Variants in EAF1 observed in about 807,000 individuals in gnomAD.
EAF1 encodes the protein ELL associated factor 1, also known as ELL-associated factor 1.
EAF1 carries 19 observed loss-of-function variants against 26.6 expected under a neutral mutation model. The ratio of observed to expected loss-of-function variants is 0.71; its 90% CI spans 0.50 to 1.05. The LOEUF is 1.05. Ranked by LOEUF, EAF1 falls within the 50% of genes least tolerant of loss-of-function variation. The pLI, the probability that EAF1 is intolerant of heterozygous loss-of-function variation, is 0.00. For synonymous variants in EAF1, 102 were observed against 120.6 expected (o/e 0.85, Z 1.01); for missense variants, 260 against 335.5 (o/e 0.78, Z 1.76).
intron 1 of EAF1, among the ~76,000 whole-genome samples, chr3:15,428,383 C>T (rs1381672527): frequency 6.6e-6 from 1 of 152,158 alleles, no homozygotes; most frequent in African/African-American, 2.4e-5. Flanking sequence ...TCCTGGACTC[C>T]CAAATACTGT....
intron 2 of EAF1, among the ~76,000 whole-genome samples, 200 bp downstream of exon 2, chr3:15,430,207 C>G (rs995988617): frequency 7.2e-5 from 11 of 152,028 alleles, no homozygotes; most frequent in Middle Eastern, 3.4e-3. Flanking sequence ...TCTTGTAATC[C>G]TAGCATTTTG....
intron 4 of EAF1, among the ~76,000 whole-genome samples, chr3:15,434,988 G>C (rs894168137): frequency 5.3e-5 from 8 of 152,186 alleles, no homozygotes; most frequent in African/African-American, 1.9e-4. Flanking sequence ...TGAGGCAGGA[G>C]GATCGCTTGA....
In EAF1 at chr3:15,428,153, A is replaced by G. The variant is rs527871897; in HGVS notation, c.103+271A>G. On this transcript the variant is annotated intron_variant, in intron 1 of 5. Coordinates refer to ENST00000396842, the MANE Select transcript of EAF1 (RefSeq NM_033083.7). Reference sequence around the variant, plus strand: ...AGGTCTTTGGCCTCTTTCCATTTCCATCCCTCCCCGCCCCCAACCTCGCCC... The same window carrying G: ...AGGTCTTTGGCCTCTTTCCATTTCCGTCCCTCCCCGCCCCCAACCTCGCCC... Among the ~76,000 whole-genome samples the G allele has an allele frequency of 2.5e-4, 37 of 149,584 alleles. 1 individual carries two copies. The highest frequency in any genetic ancestry group is 8.9e-4 in the African/African-American group (36 of 40,444).
intron 1 of EAF1, among the ~76,000 whole-genome samples, chr3:15,428,221 T>G: frequency 7.2e-6 from 1 of 138,164 alleles, no homozygotes; most frequent in Admixed American, 7.3e-5. Context: ...TCCCCCCTCT[T>G]ATCCGGGTCC....
intron 1 of EAF1, among the ~76,000 whole-genome samples, chr3:15,429,690 G>T (rs919343539): frequency 3.3e-5 from 5 of 152,084 alleles, no homozygotes; most frequent in Non-Finnish European, 7.4e-5. Context: ...CCCTGAGTTG[G>T]TAATAATTGA....
chr3:15,427,938 C>T (rs2061765024), intron 1 of EAF1, 56 bp downstream of exon 1: 2 of 1,350,938 alleles, frequency 1.5e-6, no homozygotes, highest in South Asian at 1.4e-5. Context: ...ACATATCAAC[C>T]TTGACTCCTT....
At chr3:15,436,827 A>G (rs1169892583) in intron 5 of EAF1, among the ~76,000 whole-genome samples, 1 of 152,202 alleles carries the variant, frequency 6.6e-6, no homozygotes, top group African/African-American at 2.4e-5. Flanking sequence ...CTAAAACATG[A>G]ACAGATAGGC....
rs148234148 is a variant in EAF1, at chr3:15,431,543, G to A, written c.199-544G>A. On this transcript the variant is annotated intron_variant, in intron 2 of 5. Coordinates refer to ENST00000396842, the MANE Select transcript of EAF1 (RefSeq NM_033083.7). Reference sequence around the variant, plus strand: ...GAGGTGGAGAGCCAGGGAAGGGCCCGGTAGTGCAAGGCCAAGTGGCTAGTT... The same window carrying A: ...GAGGTGGAGAGCCAGGGAAGGGCCCAGTAGTGCAAGGCCAAGTGGCTAGTT... Among the ~76,000 whole-genome samples, 7 of 152,318 alleles carry A rather than the reference G, an allele frequency of 4.6e-5. No homozygotes were observed. In the East Asian group the frequency reaches 7.7e-4, roughly 17 times the overall value.
chr3:15,435,332 T>C (rs1575452371), intron 4 of EAF1, among the ~76,000 whole-genome samples: 2 of 152,224 alleles, frequency 1.3e-5, no homozygotes, highest in East Asian at 1.9e-4. Flanking sequence ...TGAGGTCATA[T>C]TTCATATTTA....
chr3:15,427,704 A>G lies in EAF1; in HGVS notation c.-76A>G. ...GGTGGCCCGGAAGCACAGTCCTCCC[A>G]GACGCCAGCGCCAGAAGCTCGGATC... On this transcript the variant is annotated 5_prime_UTR_variant, in exon 1 of 6. Coordinates refer to ENST00000396842, the MANE Select transcript of EAF1 (RefSeq NM_033083.7). The G allele has an allele frequency of 2.7e-6, 4 of 1,459,754 alleles. No individual in the cohort carries two copies. The highest frequency in any genetic ancestry group is 3.7e-6 in the Non-Finnish European group (4 of 1,066,994). The allele number at this position is 1,459,754 out of a possible 1,614,324, so 90.4% of individuals were successfully genotyped here.
chr3:15,428,522 C>T (rs1216002733), intron 1 of EAF1, among the ~76,000 whole-genome samples: 1 of 152,202 alleles, frequency 6.6e-6, no homozygotes, highest in Admixed American at 6.5e-5. Flanking sequence ...CCGGGCTTTT[C>T]CTCCAGACCA....
At chr3:15,432,756 A>G (rs2061809842) in intron 3 of EAF1, among the ~76,000 whole-genome samples, 1 of 152,082 alleles carries the variant, frequency 6.6e-6, no homozygotes, top group Non-Finnish European at 1.5e-5. Flanking sequence ...AATAGAAATA[A>G]CCTAGTGGTT....
intron 2 of EAF1, 142 bp downstream of exon 2, chr3:15,430,149 T>G: frequency 6.5e-6 from 4 of 612,430 alleles, no homozygotes; most frequent in Non-Finnish European, 8.3e-6. Flanking sequence ...TTTTGGGGAG[T>G]GGGGTGGGGT....
rs2061865340 is a variant in EAF1, at chr3:15,440,918, C to G, written c.*1763C>G. The G allele has an allele frequency of 6.6e-6, 1 of 152,616 alleles. No homozygotes were observed. The highest frequency in any genetic ancestry group is 1.5e-5 in the Non-Finnish European group (1 of 68,036). The allele number at this position is 152,616 out of a possible 1,614,324, so 9.5% of individuals were successfully genotyped here. A position where few individuals can be genotyped will look rare whatever the true frequency, so the allele number is the denominator to read the frequency against. ...TTGTTACTGGATGTAGGAATTGTTT[C>G]ACTGCTCTTAACTTGCTCAAACTGG... is the stretch of plus-strand genomic sequence containing the variant. On this transcript the variant is annotated 3_prime_UTR_variant, in exon 6 of 6. Coordinates refer to ENST00000396842, the MANE Select transcript of EAF1 (RefSeq NM_033083.7).
At chr3:15,435,705 TGTCA>T (rs2061830512) in intron 4 of EAF1, among the ~76,000 whole-genome samples, 1 of 152,244 alleles carries the variant, frequency 6.6e-6, no homozygotes, top group African/African-American at 2.4e-5. Context: ...CAGGCATGGC[TGTCA>T]GTCAAATATG....
At chr3:15,432,952 T>C (rs1319519068) in intron 3 of EAF1, among the ~76,000 whole-genome samples, 1 of 151,948 alleles carries the variant, frequency 6.6e-6, no homozygotes, top group African/African-American at 2.4e-5. Context: ...GTTAAGCCAT[T>C]TTTTTTTCAT....
Position 15,439,485 on chromosome 3 carries a change from C to T in EAF1, c.*330C>T. 4.7e-6 allele frequency: 1 copy of T among 214,914 alleles called. No homozygotes were observed. Among genetic ancestry groups the T allele is most frequent in the South Asian group, 1.3e-4 (1 of 7,512 alleles). 13.3% of individuals were successfully genotyped at this position (214,914 alleles called of 1,614,324 possible). On this transcript the variant is annotated 3_prime_UTR_variant, in exon 6 of 6. Coordinates refer to ENST00000396842, the MANE Select transcript of EAF1 (RefSeq NM_033083.7). Reference sequence around the variant, plus strand: ...ACTCAAAGGCCATATCTTCACCAGGCCAGAGATTCAGTTTTAAACCTCAGC... The same window carrying T: ...ACTCAAAGGCCATATCTTCACCAGGTCAGAGATTCAGTTTTAAACCTCAGC...
Position 15,427,790 on chromosome 3 carries a change from C to T in EAF1, c.11C>T (p.Thr4Ile), listed in dbSNP as rs370022222. 49 of 1,551,338 alleles carry T rather than the reference C, an allele frequency of 3.2e-5. No individual in the cohort carries two copies. The highest frequency in any genetic ancestry group is 4.0e-5 in the Non-Finnish European group (46 of 1,146,888). Residue 4 changes from threonine (T) to isoleucine (I), a missense_variant, in exon 1 of 6, where the codon ACC (threonine) becomes ATC (isoleucine). Thr to Ile is a moderately conservative substitution (Grantham distance 89). Coordinates refer to ENST00000396842, the MANE Select transcript of EAF1 (RefSeq NM_033083.7). ...GGCAGGTGCGGGGCCATGAATGGGA[C>T]CGCAAACCCGCTGCTGGACCGCGAG... MNG[T>I]ANPLLDREEH...
At chr3:15,433,378 G>A (rs992790904) in intron 3 of EAF1, among the ~76,000 whole-genome samples, 6 of 151,954 alleles carry the variant, frequency 3.9e-5, no homozygotes, top group Admixed American at 6.6e-5. Context: ...AGGTGCTACC[G>A]ATATTCCTCC....
Sources: allele counts gnomAD v4.1 joint callset (sites outside exome capture counted in the v4.1 genomes callset), GRCh38; gene constraint gnomAD v4.1.1; transcripts MANE v1.5; gene names NCBI Gene and HGNC (gene_info 2026-07-23, HGNC 2026-07-21).